Variants in MAGI2 observed in about 807,000 individuals in gnomAD.
MAGI2 encodes membrane associated guanylate kinase, WW and PDZ domain containing 2.
In MAGI2, 35 loss-of-function variants were observed where a neutral mutation model predicts 133.3. The ratio of observed to expected loss-of-function variants is 0.26; its 90% CI spans 0.20 to 0.35. The LOEUF (loss-of-function observed/expected upper bound fraction) is 0.35. Ranked by LOEUF, MAGI2 falls within the 10% of genes least tolerant of loss-of-function variation. MAGI2 has a pLI of 1.00. For missense variants in MAGI2, 1,636 were observed against 1,863.4 expected, an observed-to-expected ratio of 0.88 and a Z score of 2.25; for synonymous variants, 729 against 710.6, an observed-to-expected ratio of 1.03 and a Z score of -0.41.
intron 2 of MAGI2, among the ~76,000 whole-genome samples, chr7:78,872,781 G>A (rs1307767156): frequency 5.9e-5 from 9 of 152,046 alleles, no homozygotes; most frequent in Non-Finnish European, 1.2e-4. Flanking sequence ...ACAGAGAGAA[G>A]AAGATTCTTA....
intron 6 of MAGI2, among the ~76,000 whole-genome samples, chr7:78,453,795 G>A (rs1788993943): frequency 6.7e-6 from 1 of 149,522 alleles, no homozygotes; most frequent in South Asian, 2.1e-4. Context: ...GCTTTCTTTA[G>A]TAATCTGGAA....
intron 2 of MAGI2, among the ~76,000 whole-genome samples, chr7:78,858,265 T>C (rs561312096): frequency 2.6e-5 from 4 of 152,338 alleles, no homozygotes; most frequent in South Asian, 4.1e-4. Context: ...AGTTCTGCTC[T>C]GAACTCAGTT....
intron 6 of MAGI2, among the ~76,000 whole-genome samples, chr7:78,453,622 C>A (rs1463620416): frequency 6.6e-6 from 1 of 152,156 alleles, no homozygotes; most frequent in Non-Finnish European, 1.5e-5. Flanking sequence ...ATACCTCCCC[C>A]GCTGACCTCC....
intron 2 of MAGI2, among the ~76,000 whole-genome samples, chr7:78,767,959 T>C (rs138033969): frequency 5.8e-4 from 88 of 152,302 alleles, no homozygotes; most frequent in African/African-American, 2.0e-3. Context: ...TTTTGTTATT[T>C]CTGGATGTTC....
At chr7:78,395,025 C>A (rs982990833) in intron 6 of MAGI2, among the ~76,000 whole-genome samples, 9 of 152,108 alleles carry the variant, frequency 5.9e-5, no homozygotes, top group African/African-American at 2.2e-4. Flanking sequence ...ATTTTTGTTT[C>A]CTGAATGTTC....
At chr7:79,299,933 G>A (rs535674082) in intron 1 of MAGI2, among the ~76,000 whole-genome samples, 1 of 152,182 alleles carries the variant, frequency 6.6e-6, no homozygotes, top group African/African-American at 2.4e-5. Flanking sequence ...TGAAGTACCT[G>A]CTCCCCCTTG....
chr7:79,041,839 C>A (rs1256825323), intron 1 of MAGI2, among the ~76,000 whole-genome samples: 2 of 151,958 alleles, frequency 1.3e-5, no homozygotes, highest in Non-Finnish European at 2.9e-5. Flanking sequence ...CAATATTATA[C>A]CATGGACAAA....
chr7:78,700,617 C>G (rs1228231151), intron 2 of MAGI2, among the ~76,000 whole-genome samples: 1 of 151,986 alleles, frequency 6.6e-6, no homozygotes, highest in Non-Finnish European at 1.5e-5. Context: ...CCACTTTGAA[C>G]AAATCAGTAT....
At chr7:78,660,606 C>T (rs1391410287) in intron 2 of MAGI2, among the ~76,000 whole-genome samples, 2 of 152,104 alleles carry the variant, frequency 1.3e-5, no homozygotes, top group Non-Finnish European at 2.9e-5. Context: ...GAAGAAATAA[C>T]ATGCTATAAA....
At chr7:78,888,595 C>T (rs1030045906) in intron 2 of MAGI2, among the ~76,000 whole-genome samples, 3 of 152,182 alleles carry the variant, frequency 2.0e-5, no homozygotes, top group Admixed American at 6.5e-5. Context: ...CTTCAGCCTC[C>T]ACTGCTGATA....
At chr7:78,304,839 G>C (rs190235926) in intron 9 of MAGI2, among the ~76,000 whole-genome samples, 2 of 152,100 alleles carry the variant, frequency 1.3e-5, no homozygotes, top group African/African-American at 2.4e-5. Flanking sequence ...AGTGAGCCTC[G>C]TGAATATCTC....
chr7:78,539,890 C>G (rs932401676), intron 3 of MAGI2, among the ~76,000 whole-genome samples: 6 of 152,198 alleles, frequency 3.9e-5, no homozygotes, highest in Non-Finnish European at 7.3e-5. Flanking sequence ...GAAGGTTTCA[C>G]GTGGACAGAC....
intron 2 of MAGI2, among the ~76,000 whole-genome samples, chr7:78,966,073 G>C (rs1043422560): frequency 1.1e-4 from 17 of 152,144 alleles, no homozygotes; most frequent in African/African-American, 4.1e-4. Context: ...TTCAGCATTT[G>C]TCCAACACAC....
chr7:78,848,741 T>G (rs143989427), intron 2 of MAGI2, among the ~76,000 whole-genome samples: 33 of 152,188 alleles, frequency 2.2e-4, no homozygotes, highest in African/African-American at 6.7e-4. Flanking sequence ...TATTTTTCTT[T>G]GTCACTACTT....
intron 1 of MAGI2, among the ~76,000 whole-genome samples, chr7:79,379,507 T>C (rs573043374): frequency 1.5e-3 from 224 of 152,104 alleles, no homozygotes; most frequent in Middle Eastern, 3.4e-3. Flanking sequence ...AAATGGTATT[T>C]CTAGTTCTAG....
chr7:78,099,163 T>G (rs562145549), intron 20 of MAGI2, among the ~76,000 whole-genome samples: 1 of 152,330 alleles, frequency 6.6e-6, no homozygotes, highest in African/African-American at 2.4e-5. Flanking sequence ...AACTCAAATA[T>G]TTTAATTGTA....
At chr7:79,361,774 A>C (rs1842391289) in intron 1 of MAGI2, among the ~76,000 whole-genome samples, 1 of 152,234 alleles carries the variant, frequency 6.6e-6, no homozygotes, top group African/African-American at 2.4e-5. Context: ...ACTAGAATTC[A>C]AAAACAGAAG....
chr7:79,168,340 TG>T (rs1326668902), intron 1 of MAGI2, among the ~76,000 whole-genome samples: 1 of 152,112 alleles, frequency 6.6e-6, no homozygotes, highest in African/African-American at 2.4e-5. Flanking sequence ...GCATATATTT[TG>T]CTAAATGATT....
chr7:78,046,378 G>C (rs1811423505), intron 21 of MAGI2, among the ~76,000 whole-genome samples: 1 of 151,126 alleles, frequency 6.6e-6, no homozygotes, highest in African/African-American at 2.4e-5. Flanking sequence ...CTCCAACCTG[G>C]GTAACAGAGC....
Sources: gnomAD v4.1 joint callset for allele counts (sites outside exome capture counted in the v4.1 genomes callset) on GRCh38, gnomAD v4.1.1 for gene constraint, MANE v1.5 for transcripts, NCBI Gene and HGNC (gene_info 2026-07-23, HGNC 2026-07-21) for gene names.